NFATC3: variants seen among roughly 807,000 people sequenced by gnomAD.
NFATC3 encodes nuclear factor of activated T cells 3, also known as nuclear factor of activated T-cells, cytoplasmic 3.
NFATC3 carries 46 observed loss-of-function variants against 98.6 expected under a neutral mutation model. The ratio of observed to expected loss-of-function variants is 0.47; its 90% confidence interval spans 0.37 to 0.60. NFATC3 has a LOEUF of 0.60. Among genes scored for constraint, NFATC3 ranks in the 20% least tolerant of loss-of-function variants. The pLI is 0.00. For missense variants in NFATC3, 1,256 were observed against 1,295.5 expected (o/e 0.97, Z 0.47); for synonymous variants, 512 against 472.2 (o/e 1.08, Z -1.09).
intron 2 of NFATC3, among the ~76,000 whole-genome samples, chr16:68,126,135 C>T (rs575213128): frequency 6.6e-6 from 1 of 152,222 alleles, no homozygotes; most frequent in East Asian, 1.9e-4. Context: ...CTGCCCACCT[C>T]GGCCTCCCAA....
intron 1 of NFATC3, among the ~76,000 whole-genome samples, chr16:68,116,519 GAA>G (rs2036286390): frequency 6.6e-6 from 1 of 152,132 alleles, no homozygotes; most frequent in Non-Finnish European, 1.5e-5. Flanking sequence ...TCTAGACTTG[GAA>G]ATCTGGACTT....
intron 3 of NFATC3, among the ~76,000 whole-genome samples, chr16:68,127,318 A>G (rs1238446468): frequency 1.3e-5 from 2 of 152,206 alleles, no homozygotes; most frequent in Non-Finnish European, 2.9e-5. Flanking sequence ...CATTTGATTA[A>G]CATTCCAGAT....
intron 9 of NFATC3, among the ~76,000 whole-genome samples, chr16:68,193,584 G>T (rs1464522709): frequency 6.6e-6 from 1 of 151,990 alleles, no homozygotes; most frequent in African/African-American, 2.4e-5. Flanking sequence ...TGGGAGGATC[G>T]CTTGAGTCCA....
chr16:68,190,244 A>G (rs2040378719), intron 8 of NFATC3, among the ~76,000 whole-genome samples: 1 of 152,170 alleles, frequency 6.6e-6, no homozygotes, highest in African/African-American at 2.4e-5. Flanking sequence ...TGTGAGAACC[A>G]TTGTAAAGCA....
chr16:68,180,871 A>G (rs1598521133), intron 6 of NFATC3, among the ~76,000 whole-genome samples: 1 of 152,198 alleles, frequency 6.6e-6, no homozygotes, highest in Non-Finnish European at 1.5e-5. Flanking sequence ...TCCATGGGGT[A>G]TATGTGCCAC....
At chr16:68,189,127 G>A (rs540487712) in intron 8 of NFATC3, among the ~76,000 whole-genome samples, 1 of 152,336 alleles carries the variant, frequency 6.6e-6, no homozygotes, top group African/African-American at 2.4e-5. Flanking sequence ...GTTGACAAAT[G>A]TGTGAGATTT....
chr16:68,161,468 A>G (rs2151582991), intron 4 of NFATC3, among the ~76,000 whole-genome samples: 1 of 152,316 alleles, frequency 6.6e-6, no homozygotes, highest in South Asian at 2.1e-4. Flanking sequence ...ACCACTATTA[A>G]AGACAGTTTC....
At chr16:68,109,554 T>C (rs2035837082) in intron 1 of NFATC3, among the ~76,000 whole-genome samples, 1 of 152,160 alleles carries the variant, frequency 6.6e-6, no homozygotes, top group Admixed American at 6.5e-5. Flanking sequence ...TTATATCTCT[T>C]TCAGGTTTTG....
At chr16:68,168,922 A>G (rs1471018626) in intron 5 of NFATC3, among the ~76,000 whole-genome samples, 1 of 152,206 alleles carries the variant, frequency 6.6e-6, no homozygotes, top group Non-Finnish European at 1.5e-5. Context: ...AATTAGCTGT[A>G]GAACTAATTT....
intron 9 of NFATC3, among the ~76,000 whole-genome samples, chr16:68,215,547 G>A (rs2041599097): frequency 6.6e-6 from 1 of 152,288 alleles, no homozygotes; most frequent in African/African-American, 2.4e-5. Flanking sequence ...ATTATGTGGA[G>A]TGAAGGGATC....
Position 68,173,188 on chromosome 16 carries a change from G to C in NFATC3, c.1775-1186G>C, listed in dbSNP as rs1306996038. Among the ~76,000 whole-genome samples the C allele has an allele frequency of 2.6e-5, 4 of 152,130 alleles. No homozygotes were observed. In the East Asian group the frequency reaches 7.7e-4, roughly 29 times the overall value. ...GAGGTGGGAGTATTGCTTGAGCCCA[G>C]GAGTTTGATGCTGCAGTGAGCTGAT... On this transcript the variant is annotated intron_variant, in intron 5 of 9. Transcript: ENST00000346183.
chr16:68,186,098 A>T (rs750256264), intron 8 of NFATC3, among the ~76,000 whole-genome samples: 1 of 152,090 alleles, frequency 6.6e-6, no homozygotes, highest in African/African-American at 2.4e-5. Flanking sequence ...ACACACAGGA[A>T]TGCTTGTGTA....
intron 1 of NFATC3, among the ~76,000 whole-genome samples, chr16:68,107,367 A>G (rs115455187): frequency 0.022 from 3,396 of 152,266 alleles, 101 homozygotes; most frequent in African/African-American, 0.068. Context: ...ATCCCTACCA[A>G]GAGTATAAAA....
intron 4 of NFATC3, among the ~76,000 whole-genome samples, chr16:68,159,301 G>T (rs527983539): frequency 6.6e-6 from 1 of 152,122 alleles, no homozygotes; most frequent in Admixed American, 6.5e-5. Context: ...AAAGGATATT[G>T]AGTAGGCAGG....
intron 6 of NFATC3, among the ~76,000 whole-genome samples, chr16:68,180,986 G>A (rs1262867055): frequency 6.6e-6 from 1 of 152,188 alleles, no homozygotes; most frequent in Non-Finnish European, 1.5e-5. Context: ...TGTCTTTATA[G>A]CAGCATGATT....
chr16:68,163,606 G>A (rs1322697764), intron 4 of NFATC3, among the ~76,000 whole-genome samples: 5 of 151,788 alleles, frequency 3.3e-5, no homozygotes, highest in African/African-American at 7.2e-5. Flanking sequence ...CTTCCCAGAC[G>A]GGGCGGCTGC....
At chr16:68,109,520 T>G (rs184771944) in intron 1 of NFATC3, among the ~76,000 whole-genome samples, 93 of 152,346 alleles carry the variant, frequency 6.1e-4, no homozygotes, top group Admixed American at 2.4e-3. Flanking sequence ...ATCAGTGATA[T>G]TGGCCTGTAG....
In NFATC3 at chr16:68,206,465, T is replaced by C. The variant is rs546063465; in HGVS notation, c.3106+14690T>C. Among the ~76,000 whole-genome samples, 3 of 152,210 alleles carry C rather than the reference T, an allele frequency of 2.0e-5. No homozygotes were observed. In the South Asian group the frequency reaches 6.2e-4, roughly 31 times the overall value. On this transcript the variant is annotated intron_variant, in intron 9 of 9. Coordinates refer to ENST00000346183, the MANE Select transcript of NFATC3 (RefSeq NM_173165.3). ...TCTGTCTCTATGAATTTCCCTACTCTAGATACTTCATATAAGTGGGATTAC... is the reference window on the plus strand; with the variant it reads ...TCTGTCTCTATGAATTTCCCTACTCCAGATACTTCATATAAGTGGGATTAC...
At chr16:68,201,890 G>A (rs1217284409) in intron 9 of NFATC3, among the ~76,000 whole-genome samples, 1 of 134,728 alleles carries the variant, frequency 7.4e-6, no homozygotes, top group Non-Finnish European at 1.7e-5. Context: ...TCCGGGAGGT[G>A]GAGGTTGCAG....
Sources: allele counts gnomAD v4.1 joint callset (sites outside exome capture counted in the v4.1 genomes callset), GRCh38; gene constraint gnomAD v4.1.1; transcripts MANE v1.5; gene names NCBI Gene and HGNC (gene_info 2026-07-23, HGNC 2026-07-21).